Variants in HMGA2 observed in about 807,000 individuals in gnomAD.
The protein encoded by HMGA2 is high mobility group AT-hook 2, also known as high mobility group protein HMGI-C.
A neutral mutation model predicts 19.1 loss-of-function variants in HMGA2; 8 were observed. The ratio of observed to expected loss-of-function variants is 0.42; its 90% CI spans 0.25 to 0.76. The LOEUF (loss-of-function observed/expected upper bound fraction) is 0.76, where lower values mean the gene tolerates loss of function less well. HMGA2 is among the 30% of genes least tolerant of loss of function. The pLI is 0.28. For synonymous variants in HMGA2, 60 were observed against 48.8 expected, an observed-to-expected ratio of 1.23 and a Z score of -0.96; for missense variants, 109 against 136.3, an observed-to-expected ratio of 0.80 and a Z score of 1.00.
At chr12:65,839,149 A>G in intron 3 of HMGA2, among the ~76,000 whole-genome samples, 1 of 151,788 alleles carries the variant, frequency 6.6e-6, no homozygotes. Context: ...TCCACATGCA[A>G]ACATTAGAGA....
At chr12:65,896,286 T>C (rs1874127517) in intron 3 of HMGA2, among the ~76,000 whole-genome samples, 1 of 152,228 alleles carries the variant, frequency 6.6e-6, no homozygotes, top group African/African-American at 2.4e-5. Flanking sequence ...TCCCAGGAAT[T>C]TTCTGCATTC....
At chr12:65,947,978 CTT>C (rs1031379169) in intron 3 of HMGA2, among the ~76,000 whole-genome samples, 1 of 152,062 alleles carries the variant, frequency 6.6e-6, no homozygotes, top group African/African-American at 2.4e-5. Context: ...CTCGATTTGA[CTT>C]TTTTCTTTTT....
At chr12:65,874,657 C>T (rs1035723952) in intron 3 of HMGA2, among the ~76,000 whole-genome samples, 9 of 152,064 alleles carry the variant, frequency 5.9e-5, no homozygotes, top group Non-Finnish European at 8.8e-5. Context: ...CTGATTTACC[C>T]GCAGAACCAC....
rs12425965 is a variant in HMGA2, at chr12:65,824,739, C to G, written c.-532C>G. ...TCTCTCTCTCTCTCTCTCTCTCTCT[C>G]TCTCTCTCTCTCTCTCTCTCTCTCT... is the stretch of plus-strand genomic sequence containing the variant. On this transcript the variant is annotated 5_prime_UTR_variant, in exon 1 of 5. Transcript: ENST00000403681. 0.087 allele frequency: 19,483 copies of G among 222,910 alleles called. 1,229 individuals carry two copies. Among genetic ancestry groups the G allele is most frequent in the South Asian group, 0.23 (1,145 of 4,874 alleles). 13.8% of individuals were successfully genotyped at this position (222,910 alleles called of 1,614,324 possible). A position where few individuals can be genotyped will look rare whatever the true frequency, so the allele number is the denominator to read the frequency against.
At chr12:65,841,170 C>T (rs1002413319) in intron 3 of HMGA2, among the ~76,000 whole-genome samples, 5 of 151,926 alleles carry the variant, frequency 3.3e-5, no homozygotes, top group South Asian at 2.1e-4. Flanking sequence ...TTTTTCTTAA[C>T]GGATTCTTGC....
At chr12:65,923,090 C>A (rs1422439235) in intron 3 of HMGA2, among the ~76,000 whole-genome samples, 3 of 152,116 alleles carry the variant, frequency 2.0e-5, no homozygotes, top group Non-Finnish European at 2.9e-5. Flanking sequence ...ATTGCCTGAC[C>A]ATTTCCCTAG....
At chr12:65,869,444 T>C (rs1872595836) in intron 3 of HMGA2, among the ~76,000 whole-genome samples, 1 of 152,210 alleles carries the variant, frequency 6.6e-6, no homozygotes, top group Non-Finnish European at 1.5e-5. Flanking sequence ...CCCCTCTTGC[T>C]ACCTGCTGAA....
At chr12:65,904,036 C>T (rs143324842) in intron 3 of HMGA2, among the ~76,000 whole-genome samples, 26 of 152,352 alleles carry the variant, frequency 1.7e-4, no homozygotes, top group African/African-American at 5.8e-4. Flanking sequence ...CATCGCGTAG[C>T]GATCCATGAG....
At chr12:65,907,850 T>C (rs531479001) in intron 3 of HMGA2, among the ~76,000 whole-genome samples, 1 of 152,282 alleles carries the variant, frequency 6.6e-6, no homozygotes, top group East Asian at 1.9e-4. Context: ...CCAACATAAT[T>C]TCCAGTCCTT....
At chr12:65,845,418 G>A (rs1477941113) in intron 3 of HMGA2, among the ~76,000 whole-genome samples, 1 of 151,986 alleles carries the variant, frequency 6.6e-6, no homozygotes, top group Non-Finnish European at 1.5e-5. Flanking sequence ...ATAGTCCCAC[G>A]CCACCATGCC....
chr12:65,874,424 ATCT>A (rs1307371354), intron 3 of HMGA2, among the ~76,000 whole-genome samples: 1 of 152,184 alleles, frequency 6.6e-6, no homozygotes. Context: ...AATTTTAATC[ATCT>A]TCTTTTCAGT....
At chr12:65,837,431 T>A (rs1478792477) in intron 2 of HMGA2, among the ~76,000 whole-genome samples, 1 of 152,194 alleles carries the variant, frequency 6.6e-6, no homozygotes, top group East Asian at 1.9e-4. Flanking sequence ...ACAGTCAATA[T>A]CACTGTACCA....
chr12:65,956,205 G>A (rs1364662506), intron 4 of HMGA2: 1 of 152,162 alleles, frequency 6.6e-6, no homozygotes, highest in African/African-American at 2.4e-5. Flanking sequence ...GATTACCGAT[G>A]TATTTATTTT....
intron 3 of HMGA2, among the ~76,000 whole-genome samples, chr12:65,875,589 A>ATTTTTTTTTTTTTTTTTTTTTTTT (rs71096056): frequency 3.8e-5 from 1 of 26,098 alleles, no homozygotes; most frequent in Non-Finnish European, 8.5e-5. Flanking sequence ...GTGCCCGGCT[A>ATTTTTTTTTTTTTTTTTTTTTTTT]TTTTTTTTTT....
intron 3 of HMGA2, chr12:65,860,216 G>A (rs1218356866): frequency 4.3e-6 from 1 of 233,638 alleles, no homozygotes. Flanking sequence ...TACAGTCTGA[G>A]AATATTTACA....
intron 3 of HMGA2, among the ~76,000 whole-genome samples, chr12:65,851,848 C>A (rs1871488438): frequency 6.6e-6 from 1 of 152,138 alleles, no homozygotes; most frequent in Non-Finnish European, 1.5e-5. Flanking sequence ...TGATGAAAGG[C>A]CTTTCTGACT....
chr12:65,834,045 A>T (rs1870593215), intron 2 of HMGA2, among the ~76,000 whole-genome samples: 1 of 152,188 alleles, frequency 6.6e-6, no homozygotes, highest in African/African-American at 2.4e-5. Flanking sequence ...TCCACAAATG[A>T]GAAAACTGTG....
chr12:65,917,629 A>T (rs1424278323), intron 3 of HMGA2, among the ~76,000 whole-genome samples: 1 of 152,140 alleles, frequency 6.6e-6, no homozygotes, highest in Admixed American at 6.5e-5. Context: ...GGCAGAAGGG[A>T]GAAAAGGAAT....
At chr12:65,954,705 G>GTGTC (rs1016667436) in intron 4 of HMGA2, 2 of 152,182 alleles carry the variant, frequency 1.3e-5, no homozygotes, top group Non-Finnish European at 2.9e-5. Context: ...AATCCACCAG[G>GTGTC]TGTCATCAGC....
Sources: allele counts gnomAD v4.1 joint callset (sites outside exome capture counted in the v4.1 genomes callset), GRCh38; gene constraint gnomAD v4.1.1; transcripts MANE v1.5; gene names NCBI Gene and HGNC (gene_info 2026-07-23, HGNC 2026-07-21).